The following SP140 variants were observed in gnomAD, a reference collection of about 807,000 sequenced individuals.
SP140 encodes the protein nuclear body protein SP140.
Under a neutral mutation model 125.0 loss-of-function variants are expected in SP140, and 81 were observed. The observed-to-expected ratio is 0.65, with a 90% CI of 0.54 to 0.78. The LOEUF is 0.78. Ranked by LOEUF, SP140 falls within the 30% of genes least tolerant of loss-of-function variation. The probability of loss-of-function intolerance (pLI) is 0.00; values close to 1 mark genes in which losing one functional copy is unlikely to be tolerated. For synonymous variants in SP140, 312 were observed against 354.0 expected, an observed-to-expected ratio of 0.88 and a Z score of 1.33; for missense variants, 858 against 1,037.0, an observed-to-expected ratio of 0.83 and a Z score of 2.37.
intron 1 of SP140, among the ~76,000 whole-genome samples, chr2:230,204,429 T>A (rs2043530580): frequency 6.6e-6 from 1 of 152,170 alleles, no homozygotes; most frequent in Non-Finnish European, 1.5e-5. Flanking sequence ...TATGGGATAA[T>A]AAGAATTTGG....
intron 1 of SP140, among the ~76,000 whole-genome samples, chr2:230,206,425 G>A (rs1297989799): frequency 3.3e-5 from 5 of 151,236 alleles, no homozygotes; most frequent in South Asian, 2.1e-4. Flanking sequence ...CACTGGTCTC[G>A]TTCCCTCAGT....
At chr2:230,305,208 C>A (rs998314901) in intron 22 of SP140, among the ~76,000 whole-genome samples, 26 of 152,312 alleles carry the variant, frequency 1.7e-4, no homozygotes, top group African/African-American at 5.5e-4. Flanking sequence ...AATGCGATAC[C>A]ACCTTACTCC....
At chr2:230,251,150 A>G in intron 10 of SP140, 89 bp downstream of exon 10, 2 of 1,062,724 alleles carry the variant, frequency 1.9e-6, no homozygotes, top group Non-Finnish European at 2.9e-6. Flanking sequence ...CTTTCCTCCA[A>G]GTATACTTCA....
chr2:230,315,562 A>G (rs1375289246), downstream of SP140, among the ~76,000 whole-genome samples: 2 of 152,098 alleles, frequency 1.3e-5, no homozygotes, highest in Non-Finnish European at 2.9e-5. Flanking sequence ...TCATGCATAC[A>G]TCATAATACG....
chr2:230,297,347 T>C (rs1368188518), intron 21 of SP140, 74 bp from the exon 22 acceptor site: 5 of 1,537,004 alleles, frequency 3.3e-6, no homozygotes, highest in Middle Eastern at 1.7e-4. Context: ...AAGAATACTA[T>C]TTAAATTTAA....
rs2044640933 is a variant in SP140 at position 230,212,775 on chromosome 2, C to A, written c.-322-879C>A. The stretch of plus-strand genomic sequence containing the variant: ...CTGTTTCTCACCTGAAGTGCTTCTT[C>A]CTTCCTGGATGAGTGCAGGGAGAGG... On this transcript the variant is annotated intron_variant, in intron 1 of 4. Coordinates refer to the SP140 transcript ENST00000456542. 1.9e-6 allele frequency: 3 copies of A among 1,614,116 alleles called. No individual in the cohort carries two copies. The highest frequency in any genetic ancestry group is 2.5e-6 in the Non-Finnish European group (3 of 1,180,002).
At chr2:230,203,658 G>A (rs929976650) in intron 1 of SP140, 1 of 152,094 alleles carries the variant, frequency 6.6e-6, no homozygotes, top group Admixed American at 6.5e-5. Context: ...GGAGGGTTTC[G>A]GAGATGAGAA....
chr2:230,202,485 T>C (rs1421763267), upstream of SP140: 3 of 1,202,160 alleles, frequency 2.5e-6, no homozygotes, highest in African/African-American at 4.5e-5. Context: ...CCTTTTACTA[T>C]TGACTTTACA....
intron 15 of SP140, among the ~76,000 whole-genome samples, chr2:230,276,310 A>C (rs77827491): frequency 6.6e-6 from 1 of 152,174 alleles, no homozygotes; most frequent in African/African-American, 2.4e-5. Flanking sequence ...CTTGAAGCCA[A>C]TACTCATTCA....
At chr2:230,207,315 C>T (rs753519203) in intron 1 of SP140, among the ~76,000 whole-genome samples, 6 of 152,108 alleles carry the variant, frequency 3.9e-5, no homozygotes, top group East Asian at 1.9e-4. Flanking sequence ...GGGAGACAGA[C>T]GCTGCAATAT....
At chr2:230,221,023 C>G (rs2045771247), upstream of SP140, among the ~76,000 whole-genome samples, 1 of 151,680 alleles carries the variant, frequency 6.6e-6, no homozygotes, top group African/African-American at 2.4e-5. Context: ...TGGCTCACGC[C>G]TGTAATCCCA....
At chr2:230,189,738 C>T in the SP140 span, among the ~76,000 whole-genome samples, 6 of 152,182 alleles carry the variant, frequency 3.9e-5, no homozygotes, top group Non-Finnish European at 7.3e-5. Context: ...GTTCCCCTCT[C>T]TGTGTCCATG....
upstream of SP140, among the ~76,000 whole-genome samples, chr2:230,221,306 A>G (rs1041736696): frequency 1.3e-5 from 2 of 151,716 alleles, no homozygotes; most frequent in African/African-American, 4.8e-5. Flanking sequence ...AAAGAATTCT[A>G]TGTAACTTTG....
At chr2:230,274,812 A>G (rs138635329) in intron 15 of SP140, among the ~76,000 whole-genome samples, 8 of 151,882 alleles carry the variant, frequency 5.3e-5, no homozygotes, top group African/African-American at 1.9e-4. Context: ...ACTTTGCTGT[A>G]CATATTTCTA....
At chr2:230,233,137 T>C (rs2047491511) in intron 1 of SP140, among the ~76,000 whole-genome samples, 1 of 152,172 alleles carries the variant, frequency 6.6e-6, no homozygotes, top group African/African-American at 2.4e-5. Flanking sequence ...AGCATGTTTT[T>C]CTTTCTCATT....
intron 22 of SP140, among the ~76,000 whole-genome samples, chr2:230,305,927 G>T (rs914781696): frequency 3.3e-5 from 5 of 152,222 alleles, no homozygotes; most frequent in Non-Finnish European, 5.9e-5. Flanking sequence ...GGTCCTGGAG[G>T]TTTCCCCCAG....
Position 230,228,866 on chromosome 2 carries a change from T to C in SP140, c.59+2963T>C, listed in dbSNP as rs138524812. On this transcript the variant is annotated intron_variant, in intron 1 of 26. Coordinates refer to ENST00000392045, the MANE Select transcript of SP140 (RefSeq NM_007237.5). ...ACTCTGTTGATCTCTTGTCTTTTAA[T>C]TGGTGTTTTAGACCATTGGCATTAA... 3.0e-4 allele frequency among the ~76,000 whole-genome samples: 46 copies of C among 152,298 alleles called. No homozygotes were observed. The East Asian group carries it at 6.7e-3, about 22-fold the overall frequency.
rs2045237202 is a variant in SP140, at chr2:230,216,805, G to A, written c.-91+2731G>A. On this transcript the variant is annotated intron_variant, in intron 3 of 4. Transcript: ENST00000456542. ...CCATGTACATTCTCTTAGTGATGAT[G>A]GAGTTGTCTAGGAGGCCTTCAAAGA... 5 of 1,613,932 alleles carry A rather than the reference G, an allele frequency of 3.1e-6. No homozygotes were observed. The East Asian group carries it at 1.1e-4, about 36-fold the overall frequency.
At chr2:230,228,673 C>T (rs2046811860) in intron 1 of SP140, among the ~76,000 whole-genome samples, 1 of 152,132 alleles carries the variant, frequency 6.6e-6, no homozygotes, top group African/African-American at 2.4e-5. Context: ...TTTCCTTGTT[C>T]TGAAGCTTCT....
Sources: allele counts gnomAD v4.1 joint callset (sites outside exome capture counted in the v4.1 genomes callset), GRCh38; gene constraint gnomAD v4.1.1; transcripts MANE v1.5; gene names NCBI Gene and HGNC (gene_info 2026-07-23, HGNC 2026-07-21).